INPP4A: variants seen among roughly 807,000 people sequenced by gnomAD.
INPP4A encodes inositol polyphosphate-4-phosphatase, type I, 107kD.
INPP4A carries 33 observed loss-of-function variants against 119.8 expected under a neutral mutation model. That is an observed-to-expected ratio of 0.28 (90% CI 0.21 to 0.37). INPP4A has a LOEUF of 0.37. Among genes scored for constraint, INPP4A ranks in the 10% least tolerant of loss-of-function variants. INPP4A has a pLI of 1.00. For missense variants in INPP4A, 956 were observed against 1,289.9 expected, an observed-to-expected ratio of 0.74 and a Z score of 3.97; for synonymous variants, 496 against 500.7, an observed-to-expected ratio of 0.99 and a Z score of 0.12.
At chr2:98,584,497 G>A (rs1417307200) in intron 24 of INPP4A, among the ~76,000 whole-genome samples, 1 of 152,230 alleles carries the variant, frequency 6.6e-6, no homozygotes, top group Non-Finnish European at 1.5e-5. Context: ...CCAGGACCCT[G>A]CCCCATAGCA....
Position 98,587,553 on chromosome 2 carries a change from C to A in INPP4A, c.2864C>A (p.Ala955Asp), listed in dbSNP as rs1462237152. The A allele has an allele frequency of 6.2e-7, 1 of 1,609,438 alleles. No homozygotes were observed. Among genetic ancestry groups the A allele is most frequent in the Non-Finnish European group, 8.5e-7 (1 of 1,178,512 alleles). ...GCATTTAATTCCCTGCAGCTGAAGG[C>A]TTTCCCCAAGCATTACAGGCCTCCC... ...KYAFNSLQLKAFPKHYRPPEG... is the reference protein window; with the variant it reads ...KYAFNSLQLKDFPKHYRPPEG... Residue 955 changes from alanine (A) to aspartate (D), a missense_variant, in exon 25 of 25, where the codon GCT becomes GAT. This residue lies in a region of INPP4A where 304 missense variants were observed against 492.1 expected (regional missense o/e 0.62). Coordinates refer to ENST00000409851, the MANE Select transcript of INPP4A (RefSeq NM_001134225.2).
rs1297184227 is a variant in INPP4A at position 98,572,885 on chromosome 2, C to G, written c.2589C>G (p.Ala863=). ...GGTTTCTGGGTCAGAACGTGCATGC[C>G]CGGAAGAATAAGAACGTCGACATTC... ...LLRFLGQNVH[A]RKNKNVDILW... is the part of the protein sequence containing the mutation. Residue 863 remains alanine, a synonymous_variant, in exon 23 of 25, where the codon GCC becomes GCG. Coordinates refer to ENST00000409851, the MANE Select transcript of INPP4A (RefSeq NM_001134225.2). The G allele has an allele frequency of 1.3e-6, 2 of 1,580,568 alleles. No individual in the cohort carries two copies. The highest frequency in any genetic ancestry group is 2.3e-5 in the East Asian group (1 of 43,100).
At chr2:98,507,688 T>C (rs1207899885) in intron 1 of INPP4A, among the ~76,000 whole-genome samples, 1 of 152,050 alleles carries the variant, frequency 6.6e-6, no homozygotes, top group Non-Finnish European at 1.5e-5. Flanking sequence ...CTGTCTCAGC[T>C]CCCACCATGT....
chr2:98,555,511 G>T (rs1559067400), intron 15 of INPP4A, 42 bp from the exon 16 acceptor site: 2 of 1,555,636 alleles, frequency 1.3e-6, no homozygotes, highest in Non-Finnish European at 8.7e-7. Context: ...TTGTGTTTCT[G>T]TTCGGGAGAG....
chr2:98,586,627 C>A (rs1457381958), intron 24 of INPP4A, among the ~76,000 whole-genome samples: 1 of 152,206 alleles, frequency 6.6e-6, no homozygotes, highest in Non-Finnish European at 1.5e-5. Flanking sequence ...GGTGAGGCCC[C>A]CTGGCTGCTC....
At chr2:98,488,582 G>A (rs979856844) in intron 1 of INPP4A, among the ~76,000 whole-genome samples, 10 of 152,184 alleles carry the variant, frequency 6.6e-5, no homozygotes, top group African/African-American at 2.4e-4. Context: ...AGCTCATGGT[G>A]GAGATGCAGT....
intron 6 of INPP4A, 21 bp from the exon 7 acceptor site, chr2:98,536,108 T>G: frequency 6.5e-7 from 1 of 1,539,856 alleles, no homozygotes; most frequent in East Asian, 2.2e-5. Flanking sequence ...CAATGCTGCC[T>G]CTCTTCCTTC....
At chr2:98,543,477 G>C (rs1170047583) in intron 10 of INPP4A, among the ~76,000 whole-genome samples, 3 of 152,190 alleles carry the variant, frequency 2.0e-5, no homozygotes, top group Non-Finnish European at 4.4e-5. Context: ...AGTCCTCTCT[G>C]TTCCGGGAGG....
chr2:98,555,371 G>C (rs1419069322), intron 15 of INPP4A, among the ~76,000 whole-genome samples, 182 bp from the exon 16 acceptor site: 1 of 152,202 alleles, frequency 6.6e-6, no homozygotes. Flanking sequence ...TCGATTCATC[G>C]TTGAAAAGCA....
chr2:98,579,426 A>T (rs1208125368), intron 24 of INPP4A, among the ~76,000 whole-genome samples: 1 of 152,252 alleles, frequency 6.6e-6, no homozygotes, highest in African/African-American at 2.4e-5. Flanking sequence ...CAGCATTTTA[A>T]TCAAAGGTGC....
intron 8 of INPP4A, 80 bp downstream of exon 8, chr2:98,538,054 G>A (rs1690662412): frequency 1.1e-6 from 1 of 947,708 alleles, no homozygotes; most frequent in South Asian, 1.6e-5. Flanking sequence ...CGTGGACTTA[G>A]CCTCTGTGCT....
chr2:98,497,582 T>A (rs549635655), intron 1 of INPP4A, among the ~76,000 whole-genome samples: 1 of 152,390 alleles, frequency 6.6e-6, no homozygotes, highest in South Asian at 2.1e-4. Flanking sequence ...CTTTTGCCCA[T>A]TTTTAAATTG....
chr2:98,455,469 G>C (rs1695974517), intron 1 of INPP4A, among the ~76,000 whole-genome samples: 1 of 152,172 alleles, frequency 6.6e-6, no homozygotes, highest in Non-Finnish European at 1.5e-5. Flanking sequence ...GCCCACCTCA[G>C]GTAGAAGGGA....
At position 98,490,883 on chromosome 2, in the gene INPP4A, T is replaced by C. The variant is rs6710669; in HGVS notation, c.-165-28081T>C. Among the ~76,000 whole-genome samples, 793 of 152,314 alleles carry C rather than the reference T, an allele frequency of 5.2e-3. 12 individuals are homozygous for C. Among genetic ancestry groups the C allele is most frequent in the African/African-American group, 0.018 (737 of 41,568 alleles). On this transcript the variant is annotated intron_variant, in intron 1 of 24. Transcript: ENST00000409851. Reference sequence around the variant, plus strand: ...GGCTTTTGTTTGTTTTCCAAAATTATTATTTTACAACATCTGGACTCTTTC... The same window carrying C: ...GGCTTTTGTTTGTTTTCCAAAATTACTATTTTACAACATCTGGACTCTTTC...
intron 1 of INPP4A, among the ~76,000 whole-genome samples, chr2:98,487,226 C>T (rs1436982811): frequency 6.6e-6 from 1 of 152,090 alleles, no homozygotes; most frequent in Non-Finnish European, 1.5e-5. Flanking sequence ...TTCACATTTC[C>T]CTAGTTTTTA....
chr2:98,520,923 C>T (rs1429406164), intron 4 of INPP4A, 192 bp downstream of exon 4: 6 of 504,526 alleles, frequency 1.2e-5, no homozygotes, highest in Admixed American at 7.9e-5. Flanking sequence ...TTGGAGCCTC[C>T]GTGCCCACAG....
At chr2:98,489,910 TCTC>T (rs1482656029) in intron 1 of INPP4A, among the ~76,000 whole-genome samples, 2 of 125,484 alleles carry the variant, frequency 1.6e-5, no homozygotes, top group Non-Finnish European at 3.2e-5. Context: ...TGCCTTTTCT[TCTC>T]CTTCCATATG....
chr2:98,580,838 A>G (rs1256544431), intron 24 of INPP4A, among the ~76,000 whole-genome samples: 1 of 152,204 alleles, frequency 6.6e-6, no homozygotes. Context: ...GGTTCTAGGT[A>G]CCATCTCACC....
intron 1 of INPP4A, among the ~76,000 whole-genome samples, chr2:98,475,336 G>C (rs12477925): frequency 0.12 from 17,834 of 152,164 alleles, 1,429 homozygotes; most frequent in South Asian, 0.21. Context: ...ATTTAAGCCA[G>C]GGAGTTATTA....
Sources: gnomAD v4.1 joint callset for allele counts (sites outside exome capture counted in the v4.1 genomes callset) on GRCh38, gnomAD v4.1.1 for gene constraint, gnomAD v4.1.1 regional missense constraint, MANE v1.5 for transcripts, NCBI Gene and HGNC (gene_info 2026-07-23, HGNC 2026-07-21) for gene names.